VWA3B: variants seen among roughly 807,000 people sequenced by gnomAD.
VWA3B encodes von Willebrand factor A domain containing 3B, also known as von Willebrand factor A domain-containing protein 3B.
A neutral mutation model predicts 158.3 loss-of-function variants in VWA3B; 138 were observed. The ratio of observed to expected loss-of-function variants is 0.87; its 90% CI spans 0.76 to 1.00. VWA3B has a LOEUF of 1.00. Among genes scored for constraint, VWA3B ranks in the 50% least tolerant of loss-of-function variants. VWA3B has a pLI of 0.00. For synonymous variants in VWA3B, 596 were observed against 587.3 expected (o/e 1.01, Z -0.21); for missense variants, 1,555 against 1,565.1 (o/e 0.99, Z 0.11).
chr2:98,248,823 T>TTCTC (rs1686569400), intron 19 of VWA3B, among the ~76,000 whole-genome samples: 23 of 137,812 alleles, frequency 1.7e-4, no homozygotes, highest in East Asian at 1.5e-3. Context: ...TTCTCTTTCT[T>TTCTC]TTTCTTTCTT....
At chr2:98,272,728 T>G (rs1688279048) in intron 22 of VWA3B, among the ~76,000 whole-genome samples, 1 of 152,084 alleles carries the variant, frequency 6.6e-6, no homozygotes, top group African/African-American at 2.4e-5. Context: ...AGAAAAGAAA[T>G]GTATATCTAT....
At chr2:98,105,965 G>T (rs1031274895) in intron 2 of VWA3B, among the ~76,000 whole-genome samples, 2 of 151,774 alleles carry the variant, frequency 1.3e-5, no homozygotes, top group Non-Finnish European at 2.9e-5. Flanking sequence ...GCCCAGGCTG[G>T]AGTGCAGTGG....
At chr2:98,265,097 G>A (rs1175910891) in intron 21 of VWA3B, among the ~76,000 whole-genome samples, 2 of 151,012 alleles carry the variant, frequency 1.3e-5, no homozygotes, top group Admixed American at 1.3e-4. Context: ...CATTGTACAG[G>A]TTAGTTACAT....
chr2:98,228,425 G>T, intron 15 of VWA3B, 93 bp downstream of exon 15: 1 of 1,428,702 alleles, frequency 7.0e-7, no homozygotes, highest in Non-Finnish European at 9.3e-7. Flanking sequence ...AATGCTCTGT[G>T]AAATTTCTTT....
intron 6 of VWA3B, among the ~76,000 whole-genome samples, chr2:98,129,196 G>A (rs1559556425): frequency 7.5e-6 from 1 of 133,816 alleles, no homozygotes; most frequent in Non-Finnish European, 1.6e-5. Flanking sequence ...GAGAGAGTGA[G>A]AGAGAGAGAG....
intron 8 of VWA3B, among the ~76,000 whole-genome samples, chr2:98,167,484 C>T (rs369997856): frequency 1.3e-5 from 2 of 152,148 alleles, no homozygotes; most frequent in African/African-American, 4.8e-5. Context: ...AGCTTTCCCT[C>T]GCTTACTGCC....
At position 98,300,221 on chromosome 2, in the gene VWA3B, G is replaced by A. The variant is rs1046485457; in HGVS notation, c.3420+5G>A. 1.2e-6 allele frequency: 2 copies of A among 1,613,768 alleles called. No homozygotes were observed. The highest frequency in any genetic ancestry group is 1.7e-6 in the Non-Finnish European group (2 of 1,179,946). On this transcript the variant is annotated splice_donor_5th_base_variant and intron_variant, in intron 25 of 27. Transcript: ENST00000477737. The stretch of plus-strand genomic sequence containing the variant: ...TTGAAGTGTAACAACCGGAGAGTAA[G>A]TAGATTTTCATTTAGAAAAGGACTT...
At chr2:98,330,387 C>G in the VWA3B span, among the ~76,000 whole-genome samples, 5 of 152,138 alleles carry the variant, frequency 3.3e-5, no homozygotes, top group South Asian at 2.1e-4. Context: ...CACATCTCCT[C>G]TCCTTGTTAA....
At chr2:98,207,589 G>A (rs1474720443) in intron 12 of VWA3B, 2 of 514,986 alleles carry the variant, frequency 3.9e-6, no homozygotes, top group African/African-American at 3.9e-5. Flanking sequence ...GGGGAAGTCA[G>A]TACTCCTGAA....
At chr2:98,123,062 T>C (rs1233593195) in intron 5 of VWA3B, among the ~76,000 whole-genome samples, 1 of 152,184 alleles carries the variant, frequency 6.6e-6, no homozygotes, top group Non-Finnish European at 1.5e-5. Context: ...TCCTATGTTT[T>C]ATGAGGAGTT....
chr2:98,090,743 C>CTTTTTTT (rs907853832), intron 1 of VWA3B, among the ~76,000 whole-genome samples: 1 of 146,266 alleles, frequency 6.8e-6, no homozygotes, highest in African/African-American at 2.5e-5. Context: ...AAATTATTAT[C>CTTTTTTT]TTTTTTTTTT....
At chr2:98,164,671 C>T (rs1238344887) in intron 8 of VWA3B, among the ~76,000 whole-genome samples, 1 of 152,196 alleles carries the variant, frequency 6.6e-6, no homozygotes, top group Non-Finnish European at 1.5e-5. Flanking sequence ...TGAGGCTGTA[C>T]TCATCTTGAT....
Position 98,300,079 on chromosome 2 carries a change from G to A in VWA3B, c.3283G>A (p.Val1095Ile), listed in dbSNP as rs1219813735. 3 of 1,614,194 alleles carry A rather than the reference G, an allele frequency of 1.9e-6. No individual in the cohort carries two copies. The highest frequency in any genetic ancestry group is 2.5e-6 in the Non-Finnish European group (3 of 1,180,046). The change falls in exon 25 of 28, where the codon GTT becomes ATT. Residue 1095 changes from valine (V) to isoleucine (I), a missense_variant and splice_region_variant. Val to Ile is a conservative substitution (Grantham distance 29). Coordinates refer to ENST00000477737, the MANE Select transcript of VWA3B (RefSeq NM_144992.5). Reference sequence around the variant, plus strand: ...ATTTGCTCTATGTTCTCCTCTGCAGGTTGGAGATTATGTGTTTGCCAAAAT... The same window carrying A: ...ATTTGCTCTATGTTCTCCTCTGCAGATTGGAGATTATGTGTTTGCCAAAAT... ...GGAMPCPLLQVGDYVFAKIVI... is the reference protein window; with the variant it reads ...GGAMPCPLLQIGDYVFAKIVI...
At chr2:98,131,497 T>C (rs1012589784) in intron 6 of VWA3B, among the ~76,000 whole-genome samples, 2 of 152,264 alleles carry the variant, frequency 1.3e-5, no homozygotes, top group Non-Finnish European at 2.9e-5. Flanking sequence ...ATGGTAGTTC[T>C]ATTTTTAGTT....
intron 16 of VWA3B, among the ~76,000 whole-genome samples, chr2:98,231,052 A>T (rs1002434094): frequency 6.6e-6 from 1 of 152,210 alleles, no homozygotes; most frequent in Non-Finnish European, 1.5e-5. Flanking sequence ...CAAATAAAAT[A>T]AAATAATTAG....
chr2:98,283,685 G>A (rs1689010056), intron 22 of VWA3B, among the ~76,000 whole-genome samples: 1 of 151,460 alleles, frequency 6.6e-6, no homozygotes, highest in Non-Finnish European at 1.5e-5. Context: ...TAGCAGGCTT[G>A]CATCCTGGCC....
intron 2 of VWA3B, among the ~76,000 whole-genome samples, chr2:98,106,356 C>T (rs766109747): frequency 6.6e-6 from 1 of 151,910 alleles, no homozygotes; most frequent in Non-Finnish European, 1.5e-5. Flanking sequence ...TTTAGCTACT[C>T]TAGTTCATTT....
intron 7 of VWA3B, among the ~76,000 whole-genome samples, chr2:98,157,482 G>C (rs1027637088): frequency 1.3e-5 from 2 of 152,096 alleles, no homozygotes; most frequent in African/African-American, 4.8e-5. Context: ...AAAAACCACT[G>C]ATTTTCCTGC....
intron 8 of VWA3B, among the ~76,000 whole-genome samples, chr2:98,180,643 G>A (rs529227444): frequency 1.8e-4 from 28 of 152,228 alleles, no homozygotes; most frequent in Non-Finnish European, 3.8e-4. Flanking sequence ...GAAGGTGATG[G>A]AGCCAGGCCT....
Sources: allele counts gnomAD v4.1 joint callset (sites outside exome capture counted in the v4.1 genomes callset), GRCh38; gene constraint gnomAD v4.1.1; transcripts MANE v1.5; gene names NCBI Gene and HGNC (gene_info 2026-07-23, HGNC 2026-07-21).